TRPM1: variants seen among roughly 807,000 people sequenced by gnomAD.
TRPM1 encodes the protein transient receptor potential cation channel subfamily M member 1.
In TRPM1, 113 loss-of-function variants were observed where a neutral mutation model predicts 149.4. The ratio of observed to expected loss-of-function variants is 0.76; its 90% CI spans 0.65 to 0.88. The LOEUF is 0.88. Among genes scored for constraint, TRPM1 ranks in the 40% least tolerant of loss-of-function variants. The probability of loss-of-function intolerance (pLI) is 0.00; values close to 1 mark genes in which losing one functional copy is unlikely to be tolerated. For synonymous variants in TRPM1, 741 were observed against 759.5 expected (o/e 0.98, Z 0.40); for missense variants, 1,976 against 2,038.7 (o/e 0.97, Z 0.59).
chr15:31,061,424 C>T lies in TRPM1; in HGVS notation c.1162+18G>A, dbSNP rs1010988246. The T allele has an allele frequency of 1.2e-6, 2 of 1,613,434 alleles. No homozygotes were observed. Among genetic ancestry groups the T allele is most frequent in the Non-Finnish European group, 8.5e-7 (1 of 1,179,410 alleles). On this transcript the variant is annotated intron_variant, in intron 10 of 27. Transcript: ENST00000256552. Reference sequence around the variant, plus strand: ...CCAACATCAGAGGGACAGGAGTCACCATTTCCTGAGAGCTCACCTTTCAGC... The same window carrying T: ...CCAACATCAGAGGGACAGGAGTCACTATTTCCTGAGAGCTCACCTTTCAGC...
Position 31,035,651 on chromosome 15 carries a change from C to T in TRPM1, c.2595G>A (p.Leu865=), listed in dbSNP as rs778660992. 2.5e-6 allele frequency: 4 copies of T among 1,614,098 alleles called. No individual in the cohort carries two copies. The highest frequency in any genetic ancestry group is 3.4e-6 in the Non-Finnish European group (4 of 1,180,052). Residue 865 remains leucine, a synonymous_variant, in exon 21 of 28, where the codon CTG becomes CTA. Transcript: ENST00000256552. ...GCACCAGGATGACGTAGTTAAACAG[C>T]AGCAGGTAGCCCAAGTATGATATCT... The part of the protein sequence containing the change: ...FYTISYLGYL[L]LFNYVILVRM...
intron 1 of TRPM1, among the ~76,000 whole-genome samples, chr15:31,091,566 G>A (rs959611701): frequency 1.3e-5 from 2 of 152,170 alleles, no homozygotes; most frequent in African/African-American, 4.8e-5. Context: ...CTGGGCTTGG[G>A]AGCAGCAGGG....
chr15:31,094,749 G>A (rs1001784629), intron 1 of TRPM1, among the ~76,000 whole-genome samples: 1 of 152,196 alleles, frequency 6.6e-6, no homozygotes, highest in Non-Finnish European at 1.5e-5. Flanking sequence ...AGGATGTGGA[G>A]GAATTGGAAC....
chr15:31,113,075 A>C (rs71474644), intron 1 of TRPM1, among the ~76,000 whole-genome samples: 31,001 of 152,138 alleles, frequency 0.2, 3,705 homozygotes, highest in African/African-American at 0.3. Flanking sequence ...CAGGTTCCTG[A>C]CAGTAGAACC....
At chr15:31,075,065 T>A (rs1426998466) in intron 3 of TRPM1, among the ~76,000 whole-genome samples, 5 of 152,202 alleles carry the variant, frequency 3.3e-5, no homozygotes, top group African/African-American at 1.2e-4. Flanking sequence ...TCCTTTTAGA[T>A]ATTTTGAGGC....
rs1334950276 is a variant in TRPM1, at chr15:31,069,453, C to CA, written c.279+577dup. Reference sequence around the variant, plus strand: ...GGGCCAGTGAAATAAAATGAAATTGCAAAAAGTCTGTGACTGGGCATGTAG... The same window carrying CA: ...GGGCCAGTGAAATAAAATGAAATTGCAAAAAAGTCTGTGACTGGGCATGTAG... On this transcript the variant is annotated intron_variant, in intron 4 of 27. Coordinates refer to ENST00000256552, the MANE Select transcript of TRPM1 (RefSeq NM_001252024.2). 3.3e-5 allele frequency: 34 copies of CA among 1,019,900 alleles called. No homozygotes were observed. In the South Asian group the frequency reaches 1.4e-3, roughly 42 times the overall value. The allele number at this position is 1,019,900 out of a possible 1,614,324, so 63.2% of individuals were successfully genotyped here.
intron 1 of TRPM1, among the ~76,000 whole-genome samples, chr15:31,146,987 C>CA (rs111397647): frequency 0.17 from 22,768 of 136,564 alleles, 1,884 homozygotes; most frequent in African/African-American, 0.25. Flanking sequence ...AATTCTGTCT[C>CA]AAAAAAAAAA....
intron 1 of TRPM1, among the ~76,000 whole-genome samples, chr15:31,088,536 C>T (rs540418877): frequency 2.0e-5 from 3 of 152,320 alleles, no homozygotes; most frequent in African/African-American, 4.8e-5. Context: ...CCTTTAAGAG[C>T]TGTAACACTT....
intron 1 of TRPM1, among the ~76,000 whole-genome samples, chr15:31,118,628 C>T (rs929956423): frequency 2.0e-5 from 3 of 152,118 alleles, no homozygotes; most frequent in African/African-American, 7.2e-5. Flanking sequence ...GATCAGGGTG[C>T]CCCATGGTTG....
chr15:31,153,411 G>A (rs752904772), intron 1 of TRPM1, among the ~76,000 whole-genome samples: 6 of 152,030 alleles, frequency 3.9e-5, no homozygotes, highest in African/African-American at 4.8e-5. Context: ...TGCAACCTCC[G>A]CCTCCCAGGT....
chr15:31,122,673 C>T (rs914263338), intron 1 of TRPM1, among the ~76,000 whole-genome samples: 1 of 151,954 alleles, frequency 6.6e-6, no homozygotes, highest in Non-Finnish European at 1.5e-5. Flanking sequence ...TGAAATAAAT[C>T]AAATAAGTTA....
chr15:31,052,514 T>A (rs1257112551), intron 11 of TRPM1, among the ~76,000 whole-genome samples: 3 of 152,124 alleles, frequency 2.0e-5, no homozygotes, highest in Admixed American at 6.5e-5. Context: ...GTAGTTCACG[T>A]CTGTAATCCC....
intron 27 of TRPM1, among the ~76,000 whole-genome samples, chr15:31,022,264 C>T (rs1012299086): frequency 2.6e-5 from 4 of 152,210 alleles, no homozygotes; most frequent in African/African-American, 9.6e-5. Flanking sequence ...ATGATAAGGA[C>T]TCATGTTGCC....
At chr15:31,134,313 G>A (rs2141045963) in intron 1 of TRPM1, among the ~76,000 whole-genome samples, 1 of 152,296 alleles carries the variant, frequency 6.6e-6, no homozygotes, top group South Asian at 2.1e-4. Flanking sequence ...ATGACTATAG[G>A]AGACCAGAAC....
At chr15:31,153,661 G>A (rs199602837) in intron 1 of TRPM1, among the ~76,000 whole-genome samples, 2 of 151,944 alleles carry the variant, frequency 1.3e-5, no homozygotes, top group Admixed American at 6.6e-5. Context: ...TCAACCAATC[G>A]CCAGTCAGAA....
At chr15:31,021,255 GAT>G (rs2032542009) in intron 27 of TRPM1, among the ~76,000 whole-genome samples, 1 of 152,158 alleles carries the variant, frequency 6.6e-6, no homozygotes, top group African/African-American at 2.4e-5. Context: ...TCCTAAGACT[GAT>G]CTCTCTTTCA....
chr15:31,125,231 G>A (rs1234609784), intron 1 of TRPM1, among the ~76,000 whole-genome samples: 3 of 152,104 alleles, frequency 2.0e-5, no homozygotes, highest in South Asian at 4.2e-4. Context: ...AACACAAAGA[G>A]TAAATTACAA....
chr15:31,053,140 A>G (rs981196816), intron 11 of TRPM1, among the ~76,000 whole-genome samples: 2 of 152,226 alleles, frequency 1.3e-5, no homozygotes, highest in Non-Finnish European at 2.9e-5. Context: ...GCAGATACAC[A>G]AATGGCCAAT....
chr15:31,077,271 A>G (rs1444345975), intron 2 of TRPM1, among the ~76,000 whole-genome samples: 1 of 152,172 alleles, frequency 6.6e-6, no homozygotes, highest in Admixed American at 6.5e-5. Context: ...GGGGATTTCC[A>G]AGGAGATAAA....
Sources: gnomAD v4.1 joint callset for allele counts (sites outside exome capture counted in the v4.1 genomes callset) on GRCh38, gnomAD v4.1.1 for gene constraint, MANE v1.5 for transcripts, NCBI Gene and HGNC (gene_info 2026-07-23, HGNC 2026-07-21) for gene names.